Variants in GLCE observed in about 807,000 individuals in gnomAD.
The protein encoded by GLCE is D-glucuronyl C5-epimerase.
In GLCE, 19 loss-of-function variants were observed where a neutral mutation model predicts 47.9. The observed-to-expected ratio is 0.40, with a 90% confidence interval of 0.28 to 0.58. The LOEUF is 0.58. GLCE is among the 20% of genes least tolerant of loss of function. GLCE has a pLI of 0.48. For synonymous variants in GLCE, 245 were observed against 263.4 expected, an observed-to-expected ratio of 0.93 and a Z score of 0.68; for missense variants, 556 against 743.3, an observed-to-expected ratio of 0.75 and a Z score of 2.93.
intron 2 of GLCE, among the ~76,000 whole-genome samples, chr15:69,254,767 T>C (rs145208504): frequency 1.3e-5 from 2 of 152,288 alleles, no homozygotes; most frequent in South Asian, 2.1e-4. Flanking sequence ...AATAAAGATA[T>C]ATGTATTGGA....
chr15:69,266,802 T>A, intron 4 of GLCE: 1 of 566,030 alleles, frequency 1.8e-6, no homozygotes, highest in East Asian at 1.4e-4. Context: ...GAAACCTGGA[T>A]TCTAGTCCCT....
intron 2 of GLCE, among the ~76,000 whole-genome samples, chr15:69,225,480 C>T (rs2052433983): frequency 1.3e-5 from 2 of 152,286 alleles, no homozygotes; most frequent in South Asian, 2.1e-4. Flanking sequence ...CTTGTTTGTA[C>T]ACACAGTGCC....
intron 4 of GLCE, among the ~76,000 whole-genome samples, chr15:69,264,366 G>A (rs2053056273): frequency 6.6e-6 from 1 of 151,958 alleles, no homozygotes; most frequent in African/African-American, 2.4e-5. Flanking sequence ...ATAGGTATGT[G>A]TGTGTGTATA....
chr15:69,188,752 C>G (rs1179553274), intron 1 of GLCE, among the ~76,000 whole-genome samples: 1 of 152,130 alleles, frequency 6.6e-6, no homozygotes, highest in Non-Finnish European at 1.5e-5. Flanking sequence ...ATCTCTCTCA[C>G]TTGTGATATT....
At chr15:69,175,349 G>A (rs891679899) in intron 1 of GLCE, among the ~76,000 whole-genome samples, 8 of 151,980 alleles carry the variant, frequency 5.3e-5, no homozygotes, top group African/African-American at 1.9e-4. Flanking sequence ...TTTGTCATTA[G>A]CCCTCAGAAG....
At chr15:69,226,005 A>T (rs1283070328) in intron 2 of GLCE, among the ~76,000 whole-genome samples, 1 of 151,590 alleles carries the variant, frequency 6.6e-6, no homozygotes, top group African/African-American at 2.4e-5. Flanking sequence ...AATTCATCAA[A>T]CCTCCCTCCT....
At chr15:69,241,634 A>C (rs1369559166) in intron 2 of GLCE, among the ~76,000 whole-genome samples, 1 of 152,172 alleles carries the variant, frequency 6.6e-6, no homozygotes. Context: ...CATAGTACCT[A>C]CTTTATGCAT....
intron 1 of GLCE, among the ~76,000 whole-genome samples, chr15:69,183,118 A>T (rs1280390064): frequency 6.6e-6 from 1 of 152,194 alleles, no homozygotes; most frequent in Non-Finnish European, 1.5e-5. Context: ...GGATCAGTGG[A>T]AGATCCTAGA....
intron 2 of GLCE, among the ~76,000 whole-genome samples, chr15:69,227,563 G>T (rs1468813280): frequency 1.3e-5 from 2 of 152,060 alleles, no homozygotes; most frequent in African/African-American, 4.8e-5. Flanking sequence ...TTGAGTGAAC[G>T]CTGTGAGCCG....
chr15:69,242,947 C>A (rs1196559471), intron 2 of GLCE, among the ~76,000 whole-genome samples: 1 of 151,452 alleles, frequency 6.6e-6, no homozygotes, highest in South Asian at 2.1e-4. Flanking sequence ...GTCCCAGCTA[C>A]CCAGGAGGCT....
At chr15:69,182,590 A>T (rs1174852036) in intron 1 of GLCE, among the ~76,000 whole-genome samples, 2 of 152,178 alleles carry the variant, frequency 1.3e-5, no homozygotes, top group Non-Finnish European at 2.9e-5. Context: ...AAGGGGATTG[A>T]GGACATGGGA....
chr15:69,225,047 A>T (rs1263848916), intron 2 of GLCE, among the ~76,000 whole-genome samples: 1 of 152,222 alleles, frequency 6.6e-6, no homozygotes, highest in African/African-American at 2.4e-5. Context: ...ATGGCAGCCC[A>T]AGATAACTAT....
intron 1 of GLCE, among the ~76,000 whole-genome samples, chr15:69,161,015 G>T (rs1174574307): frequency 1.3e-5 from 2 of 152,020 alleles, no homozygotes; most frequent in Non-Finnish European, 2.9e-5. Context: ...GGATCCTGGG[G>T]GCTCTTCCGG....
At chr15:69,187,104 G>A (rs1035850853) in intron 1 of GLCE, among the ~76,000 whole-genome samples, 2 of 152,122 alleles carry the variant, frequency 1.3e-5, no homozygotes, top group Non-Finnish European at 2.9e-5. Context: ...GTGAGTCTGA[G>A]TATGTTAATA....
intron 2 of GLCE, among the ~76,000 whole-genome samples, chr15:69,241,323 A>G (rs985176418): frequency 6.6e-6 from 1 of 152,214 alleles, no homozygotes; most frequent in African/African-American, 2.4e-5. Flanking sequence ...ATTCTGCAAG[A>G]CTTCAAAATA....
intron 2 of GLCE, among the ~76,000 whole-genome samples, chr15:69,232,579 C>T (rs1278125239): frequency 3.3e-5 from 5 of 152,066 alleles, no homozygotes; most frequent in Non-Finnish European, 5.9e-5. Flanking sequence ...ATTTCAAGTA[C>T]TTTTTAAAAA....
intron 2 of GLCE, among the ~76,000 whole-genome samples, chr15:69,217,620 A>T (rs78098437): frequency 2.0e-3 from 308 of 152,278 alleles, no homozygotes; most frequent in African/African-American, 7.0e-3. Context: ...CATGTATGAC[A>T]GTTGACATTA....
chr15:69,197,144 C>T (rs527317078), intron 1 of GLCE: 22 of 382,702 alleles, frequency 5.7e-5, no homozygotes, highest in Admixed American at 8.3e-5. Context: ...CCCAGTCCTT[C>T]GGCACAACAA....
intron 1 of GLCE, among the ~76,000 whole-genome samples, chr15:69,185,857 A>T (rs1383503984): frequency 6.6e-6 from 1 of 152,012 alleles, no homozygotes; most frequent in African/African-American, 2.4e-5. Context: ...CATCCTTCAG[A>T]CACCAGTTGC....
Sources: gnomAD v4.1 joint callset for allele counts (sites outside exome capture counted in the v4.1 genomes callset) on GRCh38, gnomAD v4.1.1 for gene constraint, MANE v1.5 for transcripts, NCBI Gene and HGNC (gene_info 2026-07-23, HGNC 2026-07-21) for gene names.